Variants in MINPP1 observed in about 807,000 individuals in gnomAD.
MINPP1 encodes multiple inositol-polyphosphate phosphatase 1.
Under a neutral mutation model 46.1 loss-of-function variants are expected in MINPP1, and 28 were observed. The ratio of observed to expected loss-of-function variants is 0.61; its 90% CI spans 0.45 to 0.83. MINPP1 has a LOEUF of 0.83. Ranked by LOEUF, MINPP1 falls within the 40% of genes least tolerant of loss-of-function variation. MINPP1 has a pLI of 0.00. For synonymous variants in MINPP1, 268 were observed against 249.1 expected, an observed-to-expected ratio of 1.08 and a Z score of -0.72; for missense variants, 603 against 610.0, an observed-to-expected ratio of 0.99 and a Z score of 0.12.
At chr10:87,526,510 A>T (rs185546239) in intron 4 of MINPP1, among the ~76,000 whole-genome samples, 1 of 152,074 alleles carries the variant, frequency 6.6e-6, no homozygotes, top group Admixed American at 6.6e-5. Flanking sequence ...GTTCACTCTG[A>T]TGGTAGGTTC....
chr10:87,510,379 A>G (rs1851317976), intron 2 of MINPP1, among the ~76,000 whole-genome samples: 1 of 152,194 alleles, frequency 6.6e-6, no homozygotes, highest in Non-Finnish European at 1.5e-5. Flanking sequence ...GTGTTATTTC[A>G]TGGGACATAT....
intron 2 of MINPP1, among the ~76,000 whole-genome samples, chr10:87,512,085 G>A (rs754303073): frequency 1.5e-4 from 23 of 152,108 alleles, no homozygotes; most frequent in Admixed American, 2.0e-4. Flanking sequence ...CAAAGCAATG[G>A]AGGCAACCAC....
At chr10:87,509,123 G>A (rs1851298514) in intron 2 of MINPP1, among the ~76,000 whole-genome samples, 1 of 152,146 alleles carries the variant, frequency 6.6e-6, no homozygotes, top group South Asian at 2.1e-4. Context: ...AATTTTGCCA[G>A]GAAAGCAGGT....
chr10:87,516,633 CT>C lies in MINPP1; in HGVS notation c.933+3418del, dbSNP rs1366033304. On this transcript the variant is annotated intron_variant, in intron 3 of 4. Transcript: ENST00000371996. Reference sequence around the variant, plus strand: ...AGGAGAAAGTTAATTTGTAGGATAGCTTTTTTGCAATTTGTGTCTGCTTTAA... The same window carrying C: ...AGGAGAAAGTTAATTTGTAGGATAGCTTTTTGCAATTTGTGTCTGCTTTAA... Among the ~76,000 whole-genome samples the C allele has an allele frequency of 2.2e-4, 23 of 104,208 alleles. 7 individuals carry two copies. Among genetic ancestry groups the C allele is most frequent in the African/African-American group, 6.6e-4 (23 of 34,692 alleles). The allele number at this position is 104,208 out of a possible 152,430, so 68.4% of individuals were successfully genotyped here. A position where few individuals can be genotyped will look rare whatever the true frequency, so the allele number is the denominator to read the frequency against.
chr10:87,511,954 T>C (rs1851341242), intron 2 of MINPP1, among the ~76,000 whole-genome samples: 1 of 152,220 alleles, frequency 6.6e-6, no homozygotes, highest in Non-Finnish European at 1.5e-5. Context: ...TTTTTTGTAT[T>C]ATATACTGCC....
chr10:87,543,539 C>T (rs1441405270), intron 4 of MINPP1, among the ~76,000 whole-genome samples: 1 of 152,040 alleles, frequency 6.6e-6, no homozygotes, highest in Non-Finnish European at 1.5e-5. Context: ...CCTGTAGTCC[C>T]AGCTACTCAG....
chr10:87,546,502 TATCTC>T (rs1350587842), intron 4 of MINPP1: 2 of 152,260 alleles, frequency 1.3e-5, no homozygotes, highest in Admixed American at 6.5e-5. Context: ...TCTGCCGAAT[TATCTC>T]AATCAGCTTT....
At position 87,522,236 on chromosome 10, in the gene MINPP1, GT is replaced by G. The variant is rs201930848; in HGVS notation, c.1067+1076del. ...GACTCCATTTTTCTGAATTAGTAAA[GT>G]TTTTTTTTACAAGGCAACACCAAAA... On this transcript the variant is annotated intron_variant, in intron 4 of 4. Transcript: ENST00000371996. Among the ~76,000 whole-genome samples the G allele has an allele frequency of 5.2e-4, 79 of 151,328 alleles. 2 individuals are homozygous for G. The highest frequency in any genetic ancestry group is 3.9e-4 in the East Asian group (2 of 5,168).
intron 4 of MINPP1, among the ~76,000 whole-genome samples, chr10:87,535,971 T>C (rs1315275395): frequency 1.3e-5 from 2 of 152,162 alleles, no homozygotes; most frequent in East Asian, 3.8e-4. Context: ...CTATTTCTGC[T>C]TTAGTTATTT....
intron 3 of MINPP1, among the ~76,000 whole-genome samples, chr10:87,520,618 A>T (rs182328623): frequency 6.6e-6 from 1 of 152,300 alleles, no homozygotes; most frequent in African/African-American, 2.4e-5. Context: ...TTTAATGAAT[A>T]TTCTTCTTCT....
chr10:87,528,131 GT>G (rs1481618257), intron 4 of MINPP1, among the ~76,000 whole-genome samples: 1 of 151,832 alleles, frequency 6.6e-6, no homozygotes, highest in African/African-American at 2.4e-5. Flanking sequence ...CAGTCTATCA[GT>G]TTTGTTGATC....
chr10:87,538,652 T>C (rs1046892445), intron 4 of MINPP1, among the ~76,000 whole-genome samples: 4 of 152,228 alleles, frequency 2.6e-5, no homozygotes, highest in Non-Finnish European at 5.9e-5. Context: ...GATGTTTCAA[T>C]TAGATGTGGA....
chr10:87,530,097 CCATT>C, intron 4 of MINPP1, among the ~76,000 whole-genome samples: 1 of 152,256 alleles, frequency 6.6e-6, no homozygotes, highest in East Asian at 1.9e-4. Context: ...TTCTAGTTAA[CCATT>C]CGTCTAATCT....
Position 87,552,530 on chromosome 10 carries a change from T to A in MINPP1, c.*52T>A. Reference sequence around the variant, plus strand: ...TAGGAATCTGCAATGAGTGATTACATGCTTGTAATAGGTAGGCAATTCCTT... The same window carrying A: ...TAGGAATCTGCAATGAGTGATTACAAGCTTGTAATAGGTAGGCAATTCCTT... On this transcript the variant is annotated 3_prime_UTR_variant, in exon 5 of 5. Coordinates refer to ENST00000371996, the MANE Select transcript of MINPP1 (RefSeq NM_004897.5). The A allele has an allele frequency of 2.0e-6, 3 of 1,528,198 alleles. No individual in the cohort carries two copies. Among genetic ancestry groups the A allele is most frequent in the Non-Finnish European group, 2.7e-6 (3 of 1,110,066 alleles). 94.7% of individuals were successfully genotyped at this position (1,528,198 alleles called of 1,614,324 possible).
chr10:87,552,651 G>C lies in MINPP1; in HGVS notation c.*173G>C, dbSNP rs1273737666. 1.5e-6 allele frequency: 1 copy of C among 645,712 alleles called. No individual in the cohort carries two copies. The highest frequency in any genetic ancestry group is 1.8e-5 in the African/African-American group (1 of 54,572). 40.0% of individuals were successfully genotyped at this position (645,712 alleles called of 1,614,324 possible). A position where few individuals can be genotyped will look rare whatever the true frequency, so the allele number is the denominator to read the frequency against. On this transcript the variant is annotated 3_prime_UTR_variant, in exon 5 of 5. Coordinates refer to ENST00000371996, the MANE Select transcript of MINPP1 (RefSeq NM_004897.5). ...GGTTTGGACATGAAATGTAAGAAAA[G>C]ATTTTTCACTGGAGCAGCTCTCTTA... is the stretch of plus-strand genomic sequence containing the variant.
intron 4 of MINPP1, among the ~76,000 whole-genome samples, chr10:87,521,986 A>G (rs1002246373): frequency 2.8e-4 from 42 of 152,224 alleles, no homozygotes; most frequent in African/African-American, 9.9e-4. Context: ...CACCCAGCTG[A>G]GCACAGAGAA....
intron 4 of MINPP1, among the ~76,000 whole-genome samples, chr10:87,541,926 C>T (rs540719837): frequency 1.3e-5 from 2 of 152,308 alleles, no homozygotes; most frequent in Admixed American, 6.5e-5. Flanking sequence ...TTGGGAATCA[C>T]GTTTCAACAT....
At chr10:87,509,592 CT>C (rs558911922) in intron 2 of MINPP1, 172 of 183,034 alleles carry the variant, frequency 9.4e-4, no homozygotes, top group Non-Finnish European at 1.6e-3. Flanking sequence ...AAATTGAGGT[CT>C]ACTGGTCCCT....
rs1047377285 is a variant in MINPP1, at chr10:87,553,335, C to T, written c.*857C>T. On this transcript the variant is annotated 3_prime_UTR_variant, in exon 5 of 5. Coordinates refer to ENST00000371996, the MANE Select transcript of MINPP1 (RefSeq NM_004897.5). ...CTTTCTTTGTAAATAGTTCTGAGTT[C>T]TGTCAAATGCCGTGAAAGTATTTGC... The T allele has an allele frequency of 1.3e-5, 2 of 151,942 alleles. No homozygotes were observed. The highest frequency in any genetic ancestry group is 2.9e-5 in the Non-Finnish European group (2 of 67,966). The allele number at this position is 151,942 out of a possible 1,614,324, so 9.4% of individuals were successfully genotyped here. A position where few individuals can be genotyped will look rare whatever the true frequency, so the allele number is the denominator to read the frequency against.
Sources: gnomAD v4.1 joint callset for allele counts (sites outside exome capture counted in the v4.1 genomes callset) on GRCh38, gnomAD v4.1.1 for gene constraint, MANE v1.5 for transcripts, NCBI Gene and HGNC (gene_info 2026-07-23, HGNC 2026-07-21) for gene names.